The following PDE3A variants were observed in gnomAD, a reference collection of about 807,000 sequenced individuals.
PDE3A encodes the protein cGMP-inhibited 3',5'-cyclic phosphodiesterase 3A.
In PDE3A, 43 loss-of-function variants were observed where a neutral mutation model predicts 98.3. The observed-to-expected ratio is 0.44, with a 90% CI of 0.34 to 0.56. The LOEUF is 0.56. PDE3A is among the 20% of genes least tolerant of loss of function. The pLI is 0.01. For missense variants in PDE3A, 1,427 were observed against 1,440.7 expected (o/e 0.99, Z 0.15); for synonymous variants, 663 against 567.9 (o/e 1.17, Z -2.38).
Position 20,620,709 on chromosome 12 carries a change from A to G in PDE3A, c.1425-587A>G, listed in dbSNP as rs576344941. ...CTCCATTGCCTTTCTCCTAGTTCCT[A>G]TCATCAGTGTGTTTAGCATCAGCTC... On this transcript the variant is annotated intron_variant, in intron 4 of 15. Coordinates refer to ENST00000359062, the MANE Select transcript of PDE3A (RefSeq NM_000921.5). 7.9e-5 allele frequency among the ~76,000 whole-genome samples: 12 copies of G among 152,118 alleles called. No individual in the cohort carries two copies. In the South Asian group the frequency reaches 1.9e-3, roughly 24 times the overall value.
rs1942253558 is a variant in PDE3A at position 20,552,870 on chromosome 12, C to T, written c.961-3790C>T. ...GCCAGCACAACGTGTGCAAGGACTG[C>T]CTGGACAGATCCTTTCGGGCACAGG... is the stretch of plus-strand genomic sequence containing the variant. On this transcript the variant is annotated intron_variant, in intron 1 of 15. Coordinates refer to ENST00000359062, the MANE Select transcript of PDE3A (RefSeq NM_000921.5). The surrounding 1 kb of genome is among the most constrained non-coding windows in gnomAD (Gnocchi z 5.1). The T allele has an allele frequency of 6.2e-7, 1 of 1,613,542 alleles. No homozygotes were observed. The highest frequency in any genetic ancestry group is 1.3e-5 in the African/African-American group (1 of 74,936).
chr12:20,542,088 G>A (rs150183185), intron 1 of PDE3A, among the ~76,000 whole-genome samples: 1 of 152,158 alleles, frequency 6.6e-6, no homozygotes, highest in Non-Finnish European at 1.5e-5. Flanking sequence ...AAGTCTAGCT[G>A]ATTGGGGAGT....
chr12:20,654,520 A>G (rs139369031), intron 15 of PDE3A, among the ~76,000 whole-genome samples: 11,376 of 112,592 alleles, frequency 0.1, 920 homozygotes, highest in African/African-American at 0.25. Context: ...TTTTTGAGGC[A>G]GAGTCTTGCT....
intron 15 of PDE3A, among the ~76,000 whole-genome samples, chr12:20,676,708 G>A (rs1300221152): frequency 6.6e-6 from 1 of 151,870 alleles, no homozygotes; most frequent in Non-Finnish European, 1.5e-5. Context: ...ACCGTGTTAG[G>A]CAGGATTGTC....
intron 5 of PDE3A, among the ~76,000 whole-genome samples, chr12:20,623,531 G>C (rs1439485172): frequency 6.6e-6 from 1 of 152,064 alleles, no homozygotes; most frequent in Non-Finnish European, 1.5e-5. Flanking sequence ...CTAAAATTTT[G>C]TGCCTGGCAG....
Position 20,654,293 on chromosome 12 carries a change from A to G in PDE3A, c.3184+88A>G, listed in dbSNP as rs903207928. 7 of 1,245,596 alleles carry G rather than the reference A, an allele frequency of 5.6e-6. 1 individual carries two copies. The highest frequency in any genetic ancestry group is 2.1e-4 in the Middle Eastern group (1 of 4,802). The allele number at this position is 1,245,596 out of a possible 1,614,324, so 77.2% of individuals were successfully genotyped here. ...TTTTATGCTTCTTATGAAATACACA[A>G]TACTTCAAGTCTAAACATCATTTGC... On this transcript the variant is annotated intron_variant, in intron 15 of 15. Transcript: ENST00000359062.
chr12:20,634,642 G>T (rs932258334), intron 7 of PDE3A, among the ~76,000 whole-genome samples: 42 of 152,126 alleles, frequency 2.8e-4, no homozygotes, highest in Non-Finnish European at 2.6e-4. Context: ...TTTGTTAAAG[G>T]TATGAACTGT....
In PDE3A at chr12:20,683,715, A is replaced by G. The variant is rs1480972411; in HGVS notation, c.*3444A>G. 6.6e-6 allele frequency: 1 copy of G among 152,162 alleles called. No individual in the cohort carries two copies. The highest frequency in any genetic ancestry group is 1.5e-5 in the Non-Finnish European group (1 of 68,012). 9.4% of individuals were successfully genotyped at this position (152,162 alleles called of 1,614,324 possible). A position where few individuals can be genotyped will look rare whatever the true frequency, so the allele number is the denominator to read the frequency against. ...AGACAGTAGCTCTGTACAGGGATAT[A>G]TCTATATTAGTCTTCATCTGATGAA... is the stretch of plus-strand genomic sequence containing the variant. On this transcript the variant is annotated 3_prime_UTR_variant, in exon 16 of 16. Coordinates refer to ENST00000359062, the MANE Select transcript of PDE3A (RefSeq NM_000921.5).
At position 20,523,980 on chromosome 12, in the gene PDE3A, C is replaced by CA. The variant is rs199859999; in HGVS notation, c.961-32675dup. ...ATAAAAGGTATTTTCATATATTTAA[C>CA]AAAAATTTAAAGGGAGGAATGGTTA... On this transcript the variant is annotated intron_variant, in intron 1 of 15. Coordinates refer to ENST00000359062, the MANE Select transcript of PDE3A (RefSeq NM_000921.5). Among the ~76,000 whole-genome samples the CA allele has an allele frequency of 3.5e-4, 54 of 152,142 alleles. No homozygotes were observed. In the East Asian group the frequency reaches 0.01, roughly 29 times the overall value.
intron 1 of PDE3A, among the ~76,000 whole-genome samples, chr12:20,539,849 C>T (rs1303596032): frequency 6.6e-6 from 1 of 152,092 alleles, no homozygotes; most frequent in African/African-American, 2.4e-5. Flanking sequence ...AAAGGTGTTA[C>T]ATTGATTATC....
intron 2 of PDE3A, among the ~76,000 whole-genome samples, chr12:20,576,993 A>G (rs1056272000): frequency 2.0e-5 from 3 of 151,906 alleles, no homozygotes; most frequent in Non-Finnish European, 4.4e-5. Flanking sequence ...AGGAGTTAGC[A>G]CCCTCCAATA....
At chr12:20,387,954 A>T (rs1943842239) in intron 1 of PDE3A, among the ~76,000 whole-genome samples, 1 of 151,998 alleles carries the variant, frequency 6.6e-6, no homozygotes, top group South Asian at 2.1e-4. Context: ...TATGTGGGAG[A>T]ATAATGGGTT....
rs1944568561 is a variant in PDE3A, at chr12:20,424,258, A to ATGTCTCCTTTTC, written c.960+54014_960+54015insTGTCTCCTTTTC. On this transcript the variant is annotated intron_variant, in intron 1 of 15. Transcript: ENST00000359062. ...TTTTGAGTTGTGAGTTGAAAAGGAA[A>ATGTCTCCTTTTC]AAGTAGTGATTAATGGAGACATGAG... Among the ~76,000 whole-genome samples, 7 of 152,314 alleles carry ATGTCTCCTTTTC rather than the reference A, an allele frequency of 4.6e-5. No individual in the cohort carries two copies. In the South Asian group the frequency reaches 1.5e-3, roughly 32 times the overall value.
intron 1 of PDE3A, among the ~76,000 whole-genome samples, chr12:20,429,323 CT>C (rs1326346824): frequency 6.6e-6 from 1 of 152,114 alleles, no homozygotes; most frequent in African/African-American, 2.4e-5. Flanking sequence ...TGTTTTCCTT[CT>C]TTTTTTCTTC....
intron 13 of PDE3A, among the ~76,000 whole-genome samples, chr12:20,650,003 T>C (rs1161990614): frequency 6.6e-6 from 1 of 152,210 alleles, no homozygotes; most frequent in Non-Finnish European, 1.5e-5. Context: ...TAATTAATGA[T>C]TTTTAAAATT....
intron 1 of PDE3A, among the ~76,000 whole-genome samples, chr12:20,456,842 A>G (rs1945161011): frequency 6.6e-6 from 1 of 152,122 alleles, no homozygotes; most frequent in African/African-American, 2.4e-5. Flanking sequence ...GAATCAAGCA[A>G]AGGGCGTATG....
chr12:20,401,373 T>C (rs566489394), intron 1 of PDE3A, among the ~76,000 whole-genome samples: 23 of 152,314 alleles, frequency 1.5e-4, no homozygotes, highest in African/African-American at 5.5e-4. Flanking sequence ...GTTTTTTGCC[T>C]TTCAAATGAA....
intron 2 of PDE3A, among the ~76,000 whole-genome samples, chr12:20,576,590 C>T (rs1379710226): frequency 6.6e-6 from 1 of 152,064 alleles, no homozygotes; most frequent in Non-Finnish European, 1.5e-5. Context: ...GGACTATATC[C>T]ACTACTAGCA....
chr12:20,454,700 C>T (rs1463165805), intron 1 of PDE3A, among the ~76,000 whole-genome samples: 1 of 152,110 alleles, frequency 6.6e-6, no homozygotes, highest in Non-Finnish European at 1.5e-5. Flanking sequence ...TCATTTAGTT[C>T]CCACTCATAA....
Sources: allele counts gnomAD v4.1 joint callset (sites outside exome capture counted in the v4.1 genomes callset), GRCh38; gene constraint gnomAD v4.1.1; non-coding constraint Gnocchi (gnomAD v3.1); transcripts MANE v1.5; gene names NCBI Gene and HGNC (gene_info 2026-07-23, HGNC 2026-07-21).